Variants in MFRP observed in about 807,000 individuals in gnomAD.
MFRP encodes the protein C1q and TNF related 5.
A neutral mutation model predicts 65.8 loss-of-function variants in MFRP; 74 were observed. That is an observed-to-expected ratio of 1.12 (90% CI 0.93 to 1.36). MFRP has a LOEUF of 1.36. Among genes scored for constraint, MFRP ranks in the 40% most tolerant of loss-of-function variants. The pLI is 0.00. For synonymous variants in MFRP, 336 were observed against 288.3 expected (o/e 1.17, Z -1.68); for missense variants, 838 against 736.0 (o/e 1.14, Z -1.60).
In MFRP at chr11:119,339,838, T is replaced by C; in HGVS notation, c.*1121A>G. Reference sequence around the variant, plus strand: ...CTCGCGGCCCGGGGTCCCCTCGAGGTCCCGGCAGTCCTGCGGGGTAAGCGG... The same window carrying C: ...CTCGCGGCCCGGGGTCCCCTCGAGGCCCCGGCAGTCCTGCGGGGTAAGCGG... On this transcript the variant is annotated 3_prime_UTR_variant, in exon 15 of 15. Coordinates refer to ENST00000619721, the MANE Select transcript of MFRP (RefSeq NM_031433.4). This position sits in a 1 kb window ranked among gnomAD's most constrained non-coding sequence, Gnocchi z 5.4. 6.7e-7 allele frequency: 1 copy of C among 1,492,978 alleles called. No homozygotes were observed. Among genetic ancestry groups the C allele is most frequent in the South Asian group, 1.3e-5 (1 of 76,972 alleles). 92.5% of individuals were successfully genotyped at this position (1,492,978 alleles called of 1,614,324 possible).
chr11:119,340,083 C>A (rs1950485756), intron 14 of MFRP, 101 bp downstream of exon 14: 2 of 1,368,210 alleles, frequency 1.5e-6, no homozygotes, highest in East Asian at 5.8e-5. Flanking sequence ...CGGGGAGTGG[C>A]GCCCCCTGGC....
At position 119,339,715 on chromosome 11, in the gene MFRP, A is replaced by T; in HGVS notation, c.*1244T>A. On this transcript the variant is annotated 3_prime_UTR_variant, in exon 15 of 15. Coordinates refer to ENST00000619721, the MANE Select transcript of MFRP (RefSeq NM_031433.4). The surrounding 1 kb of genome is among the most constrained non-coding windows in gnomAD (Gnocchi z 5.4). Reference sequence around the variant, plus strand: ...AGGGCAAGGGTGCGTCAGACGGCGGAGGCACCCGGCTCTCGGAGCGCTTGG... The same window carrying T: ...AGGGCAAGGGTGCGTCAGACGGCGGTGGCACCCGGCTCTCGGAGCGCTTGG... 6.2e-7 allele frequency: 1 copy of T among 1,603,208 alleles called. No homozygotes were observed. Among genetic ancestry groups the T allele is most frequent in the Non-Finnish European group, 8.5e-7 (1 of 1,178,640 alleles).
intron 10 of MFRP, 29 bp from the exon 11 acceptor site, chr11:119,342,756 CG>C (rs1565293240): frequency 6.2e-7 from 1 of 1,613,338 alleles, no homozygotes; most frequent in Non-Finnish European, 8.5e-7. Flanking sequence ...TGGCAGTGCC[CG>C]GGGACATACC....
intron 12 of MFRP, 25 bp from the exon 13 acceptor site, chr11:119,341,797 G>T (rs375333052): frequency 1.1e-5 from 17 of 1,613,218 alleles, no homozygotes; most frequent in Non-Finnish European, 1.4e-5. Context: ...TGGCCTTCAG[G>T]CACCTGCTCC....
In MFRP at chr11:119,345,879, G is replaced by A. The variant is rs562580805; in HGVS notation, c.321C>T (p.Ala107=). Residue 107 remains alanine, a synonymous_variant, in exon 4 of 15, where the codon GCC becomes GCT. Coordinates refer to ENST00000619721, the MANE Select transcript of MFRP (RefSeq NM_031433.4). ...PSGASHSPLP[A]GGLTTTTTTP... is the part of the protein sequence containing the mutation. Reference sequence around the variant, plus strand: ...TGGTGGTGGTCGTGGTAAGGCCTCCGGCAGGCAGTGGGCTATGGGACGCCC... The same window carrying A: ...TGGTGGTGGTCGTGGTAAGGCCTCCAGCAGGCAGTGGGCTATGGGACGCCC... 7.8e-5 allele frequency: 126 copies of A among 1,613,532 alleles called. No homozygotes were observed. The highest frequency in any genetic ancestry group is 9.7e-5 in the Non-Finnish European group (115 of 1,179,806).
chr11:119,343,076 C>G, intron 9 of MFRP, 73 bp from the exon 10 acceptor site: 1 of 1,537,060 alleles, frequency 6.5e-7, no homozygotes, highest in Non-Finnish European at 8.7e-7. Context: ...TCCCACAGGC[C>G]TGGCTCTGAG....
chr11:119,343,055 G>T (rs1477731629), intron 9 of MFRP, 52 bp from the exon 10 acceptor site: 4 of 1,556,426 alleles, frequency 2.6e-6, no homozygotes, highest in Non-Finnish European at 3.5e-6. Flanking sequence ...GACTGAGGGG[G>T]CACTGCAGCC....
At chr11:119,345,967 T>C in intron 3 of MFRP, 39 bp from the exon 4 acceptor site, 1 of 1,613,530 alleles carries the variant, frequency 6.2e-7, no homozygotes, top group Non-Finnish European at 8.5e-7. Context: ...TCAGAGGAGC[T>C]GGGTCCTGGG....
At chr11:119,344,221 G>A in intron 8 of MFRP, 94 bp downstream of exon 8, 1 of 1,223,884 alleles carries the variant, frequency 8.2e-7, no homozygotes, top group Non-Finnish European at 1.2e-6. Context: ...CCAAGTAGAA[G>A]GTAGTGTCTA....
In MFRP at chr11:119,341,496, C is replaced by T; in HGVS notation, c.*52G>A. 2 of 1,498,994 alleles carry T rather than the reference C, an allele frequency of 1.3e-6. No individual in the cohort carries two copies. Among genetic ancestry groups the T allele is most frequent in the Admixed American group, 1.7e-5 (1 of 59,430 alleles). The allele number at this position is 1,498,994 out of a possible 1,614,324, so 92.9% of individuals were successfully genotyped here. A position where few individuals can be genotyped will look rare whatever the true frequency, so the allele number is the denominator to read the frequency against. On this transcript the variant is annotated 3_prime_UTR_variant, in exon 13 of 15. Transcript: ENST00000619721. ...TTCCTTTGTTCCCCTGCGTGCCAGCCCTGACCGGCAAAAGAGGACGGGCAG... is the reference window on the plus strand; with the variant it reads ...TTCCTTTGTTCCCCTGCGTGCCAGCTCTGACCGGCAAAAGAGGACGGGCAG...
chr11:119,340,699 C>G lies in MFRP; in HGVS notation c.*849G>C, dbSNP rs185696769. ...CCCCTCCTCCGCCAGACTCACCCCC[C>G]CTCCCGGCTCCCCGATGGCCTCCTT... On this transcript the variant is annotated 3_prime_UTR_variant, in exon 13 of 15. Coordinates refer to ENST00000619721, the MANE Select transcript of MFRP (RefSeq NM_031433.4). 0.015 allele frequency: 6,388 copies of G among 429,372 alleles called. 78 individuals are homozygous for G. Among genetic ancestry groups the G allele is most frequent in the South Asian group, 0.031 (1,143 of 36,854 alleles). 26.6% of individuals were successfully genotyped at this position (429,372 alleles called of 1,614,324 possible).
In MFRP at chr11:119,339,998, G is replaced by T. The variant is rs1200274955; in HGVS notation, c.*1111-150C>A. 25 of 1,291,428 alleles carry T rather than the reference G, an allele frequency of 1.9e-5. No individual in the cohort carries two copies. In the East Asian group the frequency reaches 4.5e-4, roughly 23 times the overall value. The allele number at this position is 1,291,428 out of a possible 1,614,324, so 80.0% of individuals were successfully genotyped here. On this transcript the variant is annotated intron_variant, in intron 14 of 14. Transcript: ENST00000619721. The surrounding 1 kb of genome is among the most constrained non-coding windows in gnomAD (Gnocchi z 5.4). Reference sequence around the variant, plus strand: ...ACGGGTACCTCCTCCACCCCTTCCCGCAGGGCAGATCTGGGGGGCTGGCCA... The same window carrying T: ...ACGGGTACCTCCTCCACCCCTTCCCTCAGGGCAGATCTGGGGGGCTGGCCA...
Position 119,344,991 on chromosome 11 carries a change from C to A in MFRP, c.655G>T (p.Val219Leu), listed in dbSNP as rs538987112. Residue 219 changes from valine to leucine, a missense_variant, in exon 6 of 15, where the codon GTG becomes TTG. Transcript: ENST00000619721. ...EGPLLRVCGR[V>L]PPPTLNTNAS... is the part of the protein sequence containing the mutation. ...TTGGTGTTGAGCGTGGGGGGAGGCA[C>A]CCTTCCACAAACCCTGCAAGAAGCC... is the stretch of plus-strand genomic sequence containing the variant. The A allele has an allele frequency of 2.5e-6, 4 of 1,605,778 alleles. No individual in the cohort carries two copies. The highest frequency in any genetic ancestry group is 1.3e-5 in the African/African-American group (1 of 74,994).
Position 119,343,952 on chromosome 11 carries a change from G to A in MFRP, c.988C>T (p.His330Tyr). ...CTGTGTCCGGCAGGCACCGAGATAT[G>A]CCAGGTGCAGAGCTGGGGGAGGGCA... The part of the protein sequence containing the change: ...QYPHQLLCTW[H>Y]ISVPAGHSIE... The change falls in exon 9 of 15, where the codon CAT (histidine) becomes TAT (tyrosine). Residue 330 changes from histidine (H) to tyrosine (Y), a missense_variant. Transcript: ENST00000619721. 1.2e-6 allele frequency: 2 copies of A among 1,613,030 alleles called. No homozygotes were observed. Among genetic ancestry groups the A allele is most frequent in the Non-Finnish European group, 8.5e-7 (1 of 1,179,980 alleles).
chr11:119,342,051 C>A (rs912892392), intron 11 of MFRP, 67 bp from the exon 12 acceptor site: 11 of 1,600,966 alleles, frequency 6.9e-6, no homozygotes, highest in South Asian at 1.1e-5. Context: ...TGGCAAGTCA[C>A]CGAATCGCTC....
chr11:119,339,462 G>C lies in MFRP; in HGVS notation c.*1497C>G. On this transcript the variant is annotated 3_prime_UTR_variant, in exon 15 of 15. Coordinates refer to ENST00000619721, the MANE Select transcript of MFRP (RefSeq NM_031433.4). This position sits in a 1 kb window ranked among gnomAD's most constrained non-coding sequence, Gnocchi z 5.4. ...ACCTGCACCCACACTTGGTCCTCAG[G>C]CTCCAGCCTCACCATGGCCCCCCCC... is the stretch of plus-strand genomic sequence containing the variant. 1 of 1,614,018 alleles carries C rather than the reference G, an allele frequency of 6.2e-7. No homozygotes were observed. Among genetic ancestry groups the C allele is most frequent in the Non-Finnish European group, 8.5e-7 (1 of 1,180,026 alleles).
chr11:119,345,749 G>A (rs753796222), intron 4 of MFRP, 24 bp downstream of exon 4: 99 of 1,613,144 alleles, frequency 6.1e-5, no homozygotes, highest in East Asian at 1.3e-4. Context: ...CCCTTCTCCC[G>A]GAAGATCTGC....
rs766972313 is a variant in MFRP, at chr11:119,340,392, C to G, written c.*902G>C. 110 of 1,545,004 alleles carry G rather than the reference C, an allele frequency of 7.1e-5. No homozygotes were observed. Among genetic ancestry groups the G allele is most frequent in the Non-Finnish European group, 9.5e-5 (109 of 1,146,186 alleles). On this transcript the variant is annotated 3_prime_UTR_variant, in exon 14 of 15. Coordinates refer to ENST00000619721, the MANE Select transcript of MFRP (RefSeq NM_031433.4). ...CCAGGAGCAGCAGGACGAGGAGTGG[C>G]CTCATAGCGCTGGCACCGGGAGCCC...
chr11:119,339,678 G>C lies in MFRP; in HGVS notation c.*1281C>G. On this transcript the variant is annotated 3_prime_UTR_variant, in exon 15 of 15. Coordinates refer to ENST00000619721, the MANE Select transcript of MFRP (RefSeq NM_031433.4). The surrounding 1 kb of genome is among the most constrained non-coding windows in gnomAD (Gnocchi z 5.4). ...TCGTAATGTCCCTGCTCGTTCACCAGCACGCGGTCGAAGGGCAAGGGTGCG... is the reference window on the plus strand; with the variant it reads ...TCGTAATGTCCCTGCTCGTTCACCACCACGCGGTCGAAGGGCAAGGGTGCG... 1 of 1,610,612 alleles carries C rather than the reference G, an allele frequency of 6.2e-7. No homozygotes were observed. The highest frequency in any genetic ancestry group is 8.5e-7 in the Non-Finnish European group (1 of 1,179,894).
Sources: allele counts gnomAD v4.1 joint callset, GRCh38; gene constraint gnomAD v4.1.1; non-coding constraint Gnocchi (gnomAD v3.1); transcripts MANE v1.5; gene names NCBI Gene and HGNC (gene_info 2026-07-23, HGNC 2026-07-21).